MYOCD: variants seen among roughly 807,000 people sequenced by gnomAD.
MYOCD encodes myocardin.
A neutral mutation model predicts 96.1 loss-of-function variants in MYOCD; 32 were observed. The observed-to-expected ratio is 0.33, with a 90% CI of 0.25 to 0.45. The LOEUF (loss-of-function observed/expected upper bound fraction) is 0.45, where lower values mean the gene tolerates loss of function less well. Among genes scored for constraint, MYOCD ranks in the 20% least tolerant of loss-of-function variants. The pLI, the probability that MYOCD is intolerant of heterozygous loss-of-function variation, is 1.00. For missense variants in MYOCD, 1,133 were observed against 1,200.6 expected, an observed-to-expected ratio of 0.94 and a Z score of 0.83; for synonymous variants, 469 against 469.0, an observed-to-expected ratio of 1.00 and a Z score of 0.00.
chr17:12,683,904 G>A (rs567654592), intron 1 of MYOCD, among the ~76,000 whole-genome samples: 5 of 152,306 alleles, frequency 3.3e-5, no homozygotes, highest in Non-Finnish European at 5.9e-5. Flanking sequence ...TGAAATGAAT[G>A]AATGGACAAA....
chr17:12,670,095 A>G (rs1200941768), intron 1 of MYOCD, among the ~76,000 whole-genome samples: 2 of 152,086 alleles, frequency 1.3e-5, no homozygotes, highest in Admixed American at 6.6e-5. Context: ...TCGTCTGGCA[A>G]GGAGGAAGAT....
At chr17:12,673,246 A>G (rs1909810123) in intron 1 of MYOCD, among the ~76,000 whole-genome samples, 1 of 152,152 alleles carries the variant, frequency 6.6e-6, no homozygotes, top group Non-Finnish European at 1.5e-5. Flanking sequence ...CTTCTAAAAA[A>G]TGATTTCAAA....
intron 1 of MYOCD, among the ~76,000 whole-genome samples, chr17:12,690,064 A>G (rs568951680): frequency 1.3e-5 from 2 of 152,326 alleles, no homozygotes; most frequent in South Asian, 4.1e-4. Context: ...GCCAAAAATC[A>G]TCACAAGATT....
intron 1 of MYOCD, among the ~76,000 whole-genome samples, chr17:12,676,234 TGC>T (rs1471163740): frequency 2.4e-5 from 3 of 126,170 alleles, no homozygotes; most frequent in East Asian, 4.8e-4. Context: ...ACCCTCCCCC[TGC>T]GCGCGCACGC....
intron 1 of MYOCD, among the ~76,000 whole-genome samples, chr17:12,701,440 TAAGTC>T (rs1187027580): frequency 6.6e-6 from 1 of 152,118 alleles, no homozygotes; most frequent in Non-Finnish European, 1.5e-5. Flanking sequence ...TAAAATAAAA[TAAGTC>T]TAGTTAGGAG....
rs1265428550 is a variant in MYOCD, at chr17:12,683,773, C to T, written c.55+17530C>T. Among the ~76,000 whole-genome samples the T allele has an allele frequency of 2.0e-5, 3 of 152,178 alleles. No homozygotes were observed. In the East Asian group the frequency reaches 5.8e-4, roughly 29 times the overall value. On this transcript the variant is annotated intron_variant, in intron 1 of 13. Coordinates refer to ENST00000425538, the MANE Select transcript of MYOCD (RefSeq NM_001146312.3). ...GTAATTATTTGTTTAACATCTTTCC[C>T]CCTCTCTAGGCTGTAAACTTTCCAT...
intron 4 of MYOCD, among the ~76,000 whole-genome samples, chr17:12,722,156 A>T (rs1368363055): frequency 6.6e-6 from 1 of 152,222 alleles, no homozygotes; most frequent in Non-Finnish European, 1.5e-5. Context: ...GACAGCAATA[A>T]GTTGGCTGGA....
Position 12,676,620 on chromosome 17 carries a change from G to A in MYOCD, c.55+10377G>A, listed in dbSNP as rs183419187. ...TATTTGCATAGCAGCTAAATCAGGA[G>A]TTGGCTGAGGCCATGGGAGGTTTAA... On this transcript the variant is annotated intron_variant, in intron 1 of 13. Transcript: ENST00000425538. Among the ~76,000 whole-genome samples the A allele has an allele frequency of 5.9e-5, 9 of 152,212 alleles. No homozygotes were observed. The East Asian group carries it at 1.4e-3, about 23-fold the overall frequency.
chr17:12,768,859 T>C lies in MYOCD; in HGVS notation c.*5215T>C, dbSNP rs2033408224. On this transcript the variant is annotated 3_prime_UTR_variant, in exon 14 of 14. Transcript: ENST00000425538. ...GTTATTGGGAAGAGACAAAAAGCAGTGGCTAAAATACCAAAGTTGGCATGT... is the reference window on the plus strand; with the variant it reads ...GTTATTGGGAAGAGACAAAAAGCAGCGGCTAAAATACCAAAGTTGGCATGT... 6.7e-6 allele frequency: 1 copy of C among 148,978 alleles called. No individual in the cohort carries two copies. The highest frequency in any genetic ancestry group is 2.1e-4 in the South Asian group (1 of 4,748). The allele number at this position is 148,978 out of a possible 1,614,324, so 9.2% of individuals were successfully genotyped here. A position where few individuals can be genotyped will look rare whatever the true frequency, so the allele number is the denominator to read the frequency against.
At position 12,746,041 on chromosome 17, in the gene MYOCD, G is replaced by A. The variant is rs766817997; in HGVS notation, c.1094G>A (p.Gly365Asp). ...ACTGGTGTCTCTTCTTTCAAACCAGGCCCACTCCCACCTAACCTGGATGAT... is the reference window on the plus strand; with the variant it reads ...ACTGGTGTCTCTTCTTTCAAACCAGACCCACTCCCACCTAACCTGGATGAT... ...GQTGVSSFKPGPLPPNLDDLK... is the reference protein window; with the variant it reads ...GQTGVSSFKPDPLPPNLDDLK... The change falls in exon 9 of 14, where the codon GGC becomes GAC. Residue 365 changes from glycine (G) to aspartate (D), a missense_variant. Gly to Asp is a moderately conservative substitution (Grantham distance 94). Coordinates refer to ENST00000425538, the MANE Select transcript of MYOCD (RefSeq NM_001146312.3). 1 of 1,614,144 alleles carries A rather than the reference G, an allele frequency of 6.2e-7. No homozygotes were observed. Among genetic ancestry groups the A allele is most frequent in the East Asian group, 2.2e-5 (1 of 44,886 alleles).
At chr17:12,693,164 T>C (rs1381381729) in intron 1 of MYOCD, among the ~76,000 whole-genome samples, 2 of 152,210 alleles carry the variant, frequency 1.3e-5, no homozygotes, top group African/African-American at 4.8e-5. Flanking sequence ...GATTATAGAA[T>C]ATTAAGGGAA....
chr17:12,752,485 C>G lies in MYOCD; in HGVS notation c.1197C>G (p.Asp399Glu). 6.2e-7 allele frequency: 1 copy of G among 1,614,156 alleles called. No individual in the cohort carries two copies. The highest frequency in any genetic ancestry group is 8.5e-7 in the Non-Finnish European group (1 of 1,180,020). ...CAGGCACCAAAACGGCTCTCATGGACCGGCTTCGACCCTTCCAGGACTGCT... is the reference window on the plus strand; with the variant it reads ...CAGGCACCAAAACGGCTCTCATGGAGCGGCTTCGACCCTTCCAGGACTGCT... Reference protein sequence around the residue: ...PVSGTKTALMDRLRPFQDCSG... With the variant: ...PVSGTKTALMERLRPFQDCSG... The change falls in exon 10 of 14, where the codon GAC (aspartate) becomes GAG (glutamate). Residue 399 changes from aspartate (D) to glutamate (E), a missense_variant. By Grantham distance (45) the Asp-to-Glu change is conservative (BLOSUM62 2). Transcript: ENST00000425538.
chr17:12,669,604 C>A (rs1909576666), intron 1 of MYOCD, among the ~76,000 whole-genome samples: 1 of 152,048 alleles, frequency 6.6e-6, no homozygotes, highest in African/African-American at 2.4e-5. Context: ...ACCCTACCTA[C>A]AATCTGAGTG....
intron 1 of MYOCD, among the ~76,000 whole-genome samples, chr17:12,693,424 A>G (rs2030565840): frequency 6.6e-6 from 1 of 152,028 alleles, no homozygotes; most frequent in Non-Finnish European, 1.5e-5. Flanking sequence ...AGCCTGGCCA[A>G]CATTGTGAAA....
chr17:12,737,470 T>C (rs867413476), intron 6 of MYOCD, among the ~76,000 whole-genome samples: 5 of 152,080 alleles, frequency 3.3e-5, no homozygotes, highest in African/African-American at 9.7e-5. Context: ...TCTAGAAGTA[T>C]GGCAGAGTGT....
chr17:12,675,436 A>G (rs1006586618), intron 1 of MYOCD, among the ~76,000 whole-genome samples: 10 of 152,252 alleles, frequency 6.6e-5, no homozygotes, highest in Non-Finnish European at 1.2e-4. Context: ...ACAATAAAAC[A>G]CAATGCAAAG....
chr17:12,674,873 TC>T (rs1418684956), intron 1 of MYOCD, among the ~76,000 whole-genome samples: 34 of 152,220 alleles, frequency 2.2e-4, no homozygotes, highest in Admixed American at 2.2e-3. Context: ...TCTTTTCATC[TC>T]AGTGTAGGAC....
intron 1 of MYOCD, among the ~76,000 whole-genome samples, chr17:12,666,691 T>G (rs1909396441): frequency 6.6e-6 from 1 of 152,058 alleles, no homozygotes. Flanking sequence ...CCAAAAAAAG[T>G]CACTTGGGGG....
Position 12,753,189 on chromosome 17 carries a change from C to T in MYOCD, c.1901C>T (p.Ser634Phe). 1 of 1,614,156 alleles carries T rather than the reference C, an allele frequency of 6.2e-7. No individual in the cohort carries two copies. ...LSSTFLSPQC[S>F]PQHSPLGAVK... The stretch of plus-strand genomic sequence containing the variant: ...TCCACATTTCTCAGCCCCCAGTGTT[C>T]CCCTCAGCATTCACCGCTGGGGGCT... The change falls in exon 10 of 14, where the codon TCC becomes TTC. Residue 634 changes from serine to phenylalanine, a missense_variant. Transcript: ENST00000425538.
Sources: gnomAD v4.1 joint callset for allele counts (sites outside exome capture counted in the v4.1 genomes callset) on GRCh38, gnomAD v4.1.1 for gene constraint, MANE v1.5 for transcripts, NCBI Gene and HGNC (gene_info 2026-07-23, HGNC 2026-07-21) for gene names.